TENM1: variants seen among roughly 807,000 people sequenced by gnomAD.
The protein encoded by TENM1 is teneurin-1.
Under a neutral mutation model 174.8 loss-of-function variants are expected in TENM1, and 35 were observed. That is an observed-to-expected ratio of 0.20 (90% CI 0.15 to 0.27). The LOEUF (loss-of-function observed/expected upper bound fraction) is 0.27, where lower values mean the gene tolerates loss of function less well. TENM1 is among the 10% of genes least tolerant of loss of function. The probability of loss-of-function intolerance (pLI) is 1.00; values close to 1 mark genes in which losing one functional copy is unlikely to be tolerated. For missense variants in TENM1, 1,633 were observed against 2,130.1 expected (o/e 0.77, Z 4.59); for synonymous variants, 781 against 798.7 (o/e 0.98, Z 0.37).
chrX:125,020,900 T>A, the TENM1 span, among the ~76,000 whole-genome samples: 1 of 111,663 alleles, frequency 9.0e-6, no homozygotes, highest in Non-Finnish European at 1.9e-5. Flanking sequence ...CTTAAAATTG[T>A]GTGATTTTAC....
the TENM1 span, among the ~76,000 whole-genome samples, chrX:125,070,639 G>A: frequency 9.0e-6 from 1 of 111,571 alleles, no homozygotes; most frequent in Non-Finnish European, 1.9e-5. Context: ...CCTTAAATAA[G>A]TCATTAAGTT....
the TENM1 span, among the ~76,000 whole-genome samples, chrX:125,054,569 G>T: frequency 9.0e-6 from 1 of 111,017 alleles, no homozygotes; most frequent in Non-Finnish European, 1.9e-5. Context: ...AAATAATTTG[G>T]CTGATTTCTT....
At chrX:125,114,282 A>G in the TENM1 span, among the ~76,000 whole-genome samples, 1 of 112,118 alleles carries the variant, frequency 8.9e-6, no homozygotes, top group Non-Finnish European at 1.9e-5. Context: ...GGAAATTTAC[A>G]GCACTAAATG....
intron 3 of TENM1, among the ~76,000 whole-genome samples, chrX:124,819,030 T>A (rs1178234602): frequency 8.9e-6 from 1 of 111,861 alleles, no homozygotes; most frequent in Admixed American, 9.5e-5. Flanking sequence ...CAGGCCAATG[T>A]CAGGCAAAAT....
chrX:125,015,057 T>G, the TENM1 span, among the ~76,000 whole-genome samples: 1 of 110,991 alleles, frequency 9.0e-6, no homozygotes, highest in South Asian at 3.9e-4. Context: ...TGGCCCACAA[T>G]AATGCTCTGA....
chrX:124,914,335 C>A (rs920410647), intron 1 of TENM1, among the ~76,000 whole-genome samples: 1 of 110,978 alleles, frequency 9.0e-6, no homozygotes, highest in East Asian at 2.8e-4. Flanking sequence ...GCAATAAACA[C>A]TAGGAGAGGG....
the TENM1 span, among the ~76,000 whole-genome samples, chrX:125,158,105 T>C: frequency 2.7e-5 from 3 of 110,932 alleles, no homozygotes; most frequent in African/African-American, 6.6e-5. Context: ...AACAAATATA[T>C]ATATATTTAA....
intron 4 of TENM1, among the ~76,000 whole-genome samples, chrX:124,715,479 A>G (rs759044000): frequency 7.4e-4 from 82 of 111,246 alleles, no homozygotes; most frequent in Non-Finnish European, 1.5e-3. Context: ...CAACAGAGAA[A>G]CTGATGATTT....
the TENM1 span, among the ~76,000 whole-genome samples, chrX:125,060,159 CCTCTCT>C: frequency 3.1e-5 from 3 of 96,829 alleles, no homozygotes; most frequent in Non-Finnish European, 6.2e-5. Context: ...CTCTCTCTCT[CCTCTCT>C]CTCTCTCTCT....
At chrX:124,514,315 AC>A (rs1396139883) in intron 18 of TENM1, among the ~76,000 whole-genome samples, 1 of 106,185 alleles carries the variant, frequency 9.4e-6, no homozygotes, top group African/African-American at 3.4e-5. Flanking sequence ...AAAAACAAAA[AC>A]AAAAACAACC....
intron 26 of TENM1, 37 bp from the exon 30 acceptor site, chrX:124,405,303 G>A: frequency 9.1e-7 from 1 of 1,100,045 alleles, no homozygotes. Flanking sequence ...GAGGGGGAAG[G>A]AAGGGAAGAG....
At chrX:125,012,182 C>T in the TENM1 span, among the ~76,000 whole-genome samples, 4 of 111,005 alleles carry the variant, frequency 3.6e-5, no homozygotes, top group African/African-American at 1.3e-4. Flanking sequence ...CAGGGCCTGT[C>T]GTGGGGTGGG....
intron 11 of TENM1, among the ~76,000 whole-genome samples, chrX:124,578,482 T>C (rs997385293): frequency 8.9e-6 from 1 of 111,764 alleles, no homozygotes; most frequent in Non-Finnish European, 1.9e-5. Context: ...TATGGGACCC[T>C]GAGCATCTCA....
chrX:124,551,322 A>T (rs754791315), intron 14 of TENM1, among the ~76,000 whole-genome samples: 2 of 111,619 alleles, frequency 1.8e-5, no homozygotes, highest in South Asian at 7.6e-4. Context: ...AGATAGTCAA[A>T]CATATAGAAG....
At chrX:125,174,132 T>A in the TENM1 span, among the ~76,000 whole-genome samples, 1 of 111,260 alleles carries the variant, frequency 9.0e-6, no homozygotes, top group Admixed American at 9.6e-5. Flanking sequence ...GGATCCAACC[T>A]CGGAAATATG....
intron 1 of TENM1, among the ~76,000 whole-genome samples, chrX:124,962,926 A>G (rs959090449): frequency 8.9e-6 from 1 of 112,771 alleles, no homozygotes; most frequent in Non-Finnish European, 1.9e-5. Context: ...CAGTTTATCT[A>G]TCAATTGGAA....
intron 11 of TENM1, among the ~76,000 whole-genome samples, chrX:124,589,940 A>G (rs1228929090): frequency 9.1e-6 from 1 of 109,620 alleles, no homozygotes; most frequent in Non-Finnish European, 1.9e-5. Context: ...TTAGTCATTT[A>G]TTTTCTTCTG....
chrX:125,159,909 G>T, the TENM1 span, among the ~76,000 whole-genome samples: 3 of 111,847 alleles, frequency 2.7e-5, no homozygotes, highest in Admixed American at 2.8e-4. Flanking sequence ...AGTCAAAAAA[G>T]AAATTGGAGG....
At chrX:124,652,403 T>C (rs1220323100) in intron 7 of TENM1, among the ~76,000 whole-genome samples, 3 of 111,455 alleles carry the variant, frequency 2.7e-5, no homozygotes, top group Non-Finnish European at 5.6e-5. Flanking sequence ...TAAAAGTTTT[T>C]TAAAGAGCAT....
Sources: gnomAD v4.1 joint callset for allele counts (sites outside exome capture counted in the v4.1 genomes callset) on GRCh38, gnomAD v4.1.1 for gene constraint, MANE v1.5 for transcripts, NCBI Gene and HGNC (gene_info 2026-07-23, HGNC 2026-07-21) for gene names.